STX12: variants seen among roughly 807,000 people sequenced by gnomAD.
STX12 encodes syntaxin 12.
A neutral mutation model predicts 42.2 loss-of-function variants in STX12; 17 were observed. The ratio of observed to expected loss-of-function variants is 0.40; its 90% CI spans 0.28 to 0.60. The LOEUF is 0.60. Among genes scored for constraint, STX12 ranks in the 20% least tolerant of loss-of-function variants. STX12 has a pLI of 0.39. For missense variants in STX12, 297 were observed against 330.9 expected (o/e 0.90, Z 0.79); for synonymous variants, 108 against 116.7 (o/e 0.93, Z 0.48).
intron 1 of STX12, among the ~76,000 whole-genome samples, chr1:27,780,969 A>G (rs547921440): frequency 3.1e-3 from 470 of 151,596 alleles, no homozygotes; most frequent in Non-Finnish European, 4.9e-3. Context: ...AAAAAAAAAA[A>G]GGGGGGATGT....
chr1:27,778,886 A>G (rs770860910), intron 1 of STX12, among the ~76,000 whole-genome samples: 5 of 152,076 alleles, frequency 3.3e-5, no homozygotes, highest in Non-Finnish European at 7.4e-5. Flanking sequence ...GAGTCTCCCA[A>G]ATAGCTAGGA....
chr1:27,812,231 T>G lies in STX12; in HGVS notation c.539T>G (p.Leu180Arg). ...EVAITEQDLELIKERETAIRQ... is the reference protein window; with the variant it reads ...EVAITEQDLERIKERETAIRQ... ...GCCATCACTGAGCAGGATTTGGAACTTATTAAAGAAAGAGAAACGGCAATT... is the reference window on the plus strand; with the variant it reads ...GCCATCACTGAGCAGGATTTGGAACGTATTAAAGAAAGAGAAACGGCAATT... The change falls in exon 6 of 9, where the codon CTT becomes CGT. Residue 180 changes from leucine to arginine, a missense_variant. By Grantham distance (102) the Leu-to-Arg change is moderately radical (BLOSUM62 -2). Coordinates refer to ENST00000373943, the MANE Select transcript of STX12 (RefSeq NM_177424.3). 5.1e-6 allele frequency: 8 copies of G among 1,560,462 alleles called. No individual in the cohort carries two copies. The highest frequency in any genetic ancestry group is 1.2e-5 in the South Asian group (1 of 84,566).
At chr1:27,800,232 C>G (rs758956825) in intron 3 of STX12, among the ~76,000 whole-genome samples, 1 of 152,136 alleles carries the variant, frequency 6.6e-6, no homozygotes, top group Non-Finnish European at 1.5e-5. Context: ...TTTGCCTTAC[C>G]CCTTCTTTCT....
intron 7 of STX12, chr1:27,818,223 T>C (rs1557808569): frequency 4.0e-6 from 1 of 248,012 alleles, no homozygotes; most frequent in Non-Finnish European, 7.9e-6. Flanking sequence ...CTACTAAAAA[T>C]ACAAAAAATT....
intron 2 of STX12, among the ~76,000 whole-genome samples, chr1:27,792,011 A>C (rs2088744669): frequency 6.9e-6 from 1 of 145,054 alleles, no homozygotes; most frequent in South Asian, 2.1e-4. Context: ...ATATAAATAT[A>C]GTATATAAAT....
chr1:27,805,681 G>A (rs547300389), intron 4 of STX12, among the ~76,000 whole-genome samples: 1 of 152,260 alleles, frequency 6.6e-6, no homozygotes, highest in South Asian at 2.1e-4. Context: ...AGCACTTCTT[G>A]TGAGGCAGGT....
chr1:27,810,691 T>A (rs951476007), intron 5 of STX12, among the ~76,000 whole-genome samples: 19 of 152,266 alleles, frequency 1.2e-4, no homozygotes, highest in Admixed American at 4.6e-4. Context: ...CTTCTAGGAG[T>A]ATTAAGAGGG....
chr1:27,796,246 A>G (rs2088784929), intron 3 of STX12, among the ~76,000 whole-genome samples: 1 of 152,042 alleles, frequency 6.6e-6, no homozygotes, highest in African/African-American at 2.4e-5. Flanking sequence ...TTTCTCATCT[A>G]ATTAATCTTA....
chr1:27,794,078 G>A (rs950824507), intron 3 of STX12, among the ~76,000 whole-genome samples: 3 of 151,518 alleles, frequency 2.0e-5, no homozygotes, highest in East Asian at 1.9e-4. Context: ...ACGGTAGAGC[G>A]CAGTGTTGAA....
At chr1:27,795,551 C>G (rs770308712) in intron 3 of STX12, among the ~76,000 whole-genome samples, 3 of 151,960 alleles carry the variant, frequency 2.0e-5, no homozygotes, top group Non-Finnish European at 2.9e-5. Context: ...GGTGATCTGC[C>G]CAGCTAGACC....
In STX12 at chr1:27,789,548, TC is replaced by T. The variant is rs762751563; in HGVS notation, c.119-12del. The T allele has an allele frequency of 9.9e-6, 16 of 1,608,040 alleles. No homozygotes were observed. The highest frequency in any genetic ancestry group is 1.6e-4 in the Middle Eastern group (1 of 6,070). ...TTTTCTTTTAAATAAATCTTTTTCTTCCTATCTCCCCAGCTGCTCAGATAAA... is the reference window on the plus strand; with the variant it reads ...TTTTCTTTTAAATAAATCTTTTTCTTCTATCTCCCCAGCTGCTCAGATAAA... On this transcript the variant is annotated splice_polypyrimidine_tract_variant and intron_variant, in intron 1 of 8. Coordinates refer to ENST00000373943, the MANE Select transcript of STX12 (RefSeq NM_177424.3).
intron 2 of STX12, among the ~76,000 whole-genome samples, chr1:27,792,233 T>C (rs1248988907): frequency 2.2e-5 from 3 of 136,282 alleles, no homozygotes; most frequent in Non-Finnish European, 4.7e-5. Flanking sequence ...TGTATATACA[T>C]ATATATGTAT....
intron 7 of STX12, chr1:27,818,176 A>T (rs1377801804): frequency 5.3e-6 from 2 of 375,332 alleles, no homozygotes; most frequent in Non-Finnish European, 9.8e-6. Context: ...AGGTCAGGAG[A>T]TGGAGACCAT....
At chr1:27,782,375 A>G (rs2088673262) in intron 1 of STX12, among the ~76,000 whole-genome samples, 1 of 152,162 alleles carries the variant, frequency 6.6e-6, no homozygotes, top group South Asian at 2.1e-4. Flanking sequence ...TGGGGTTACA[A>G]ACTTGAACCA....
intron 6 of STX12, 53 bp from the exon 7 acceptor site, chr1:27,817,798 A>C (rs1402310779): frequency 5.1e-6 from 8 of 1,559,936 alleles, no homozygotes; most frequent in Non-Finnish European, 7.1e-6. Flanking sequence ...TGAGGGAAAC[A>C]AATCTTCTAA....
intron 3 of STX12, among the ~76,000 whole-genome samples, chr1:27,799,500 T>TTTTTTA (rs2088812534): frequency 1.3e-5 from 2 of 151,298 alleles, no homozygotes; most frequent in African/African-American, 4.9e-5. Context: ...TTTTTTTTTT[T>TTTTTTA]GAGACAGAAC....
At chr1:27,774,894 G>C (rs1397027204) in intron 1 of STX12, among the ~76,000 whole-genome samples, 5 of 152,032 alleles carry the variant, frequency 3.3e-5, no homozygotes, top group Non-Finnish European at 7.4e-5. Flanking sequence ...GGCTCACTTT[G>C]CTTTTAAATC....
intron 1 of STX12, 78 bp downstream of exon 1, chr1:27,773,503 C>T (rs1181199558): frequency 1.2e-5 from 16 of 1,378,412 alleles, no homozygotes; most frequent in African/African-American, 2.9e-5. Context: ...ACGCAGGGCC[C>T]GGCTGGGGCT....
rs185429051 is a variant in STX12, at chr1:27,791,533, A to C, written c.188+1902A>C. 2.4e-3 allele frequency among the ~76,000 whole-genome samples: 370 copies of C among 151,822 alleles called. 1 individual carries two copies. Among genetic ancestry groups the C allele is most frequent in the African/African-American group, 8.8e-3 (363 of 41,424 alleles). On this transcript the variant is annotated intron_variant, in intron 2 of 8. Coordinates refer to ENST00000373943, the MANE Select transcript of STX12 (RefSeq NM_177424.3). ...TCTTCATCTTTAAAATGTTCTGAGCAAGCCGGGAGCAGTGGCTCACGCCTG... is the reference window on the plus strand; with the variant it reads ...TCTTCATCTTTAAAATGTTCTGAGCCAGCCGGGAGCAGTGGCTCACGCCTG...
Sources: allele counts gnomAD v4.1 joint callset (sites outside exome capture counted in the v4.1 genomes callset), GRCh38; gene constraint gnomAD v4.1.1; transcripts MANE v1.5; gene names NCBI Gene and HGNC (gene_info 2026-07-23, HGNC 2026-07-21).